The following SHISA9 variants were observed in gnomAD, a reference collection of about 807,000 sequenced individuals.
SHISA9 encodes the protein shisa family member 9.
A neutral mutation model predicts 38.0 loss-of-function variants in SHISA9; 13 were observed. That is an observed-to-expected ratio of 0.34 (90% CI 0.22 to 0.54). SHISA9 has a LOEUF of 0.54. SHISA9 is among the 20% of genes least tolerant of loss of function. SHISA9 has a pLI of 0.91. For missense variants in SHISA9, 538 were observed against 575.8 expected (o/e 0.93, Z 0.67); for synonymous variants, 275 against 242.0 (o/e 1.14, Z -1.27).
chr16:13,504,260 T>C, the SHISA9 span, among the ~76,000 whole-genome samples: 24 of 152,164 alleles, frequency 1.6e-4, no homozygotes, highest in East Asian at 4.6e-3. Flanking sequence ...ACACGTAAGG[T>C]TTCATTAGGA....
chr16:13,106,312 C>T (rs532618134), intron 2 of SHISA9, among the ~76,000 whole-genome samples: 1 of 152,230 alleles, frequency 6.6e-6, no homozygotes, highest in Non-Finnish European at 1.5e-5. Flanking sequence ...CAGCATGAAG[C>T]CTGATGTACA....
At chr16:13,245,378 C>G (rs2214255), downstream of SHISA9, among the ~76,000 whole-genome samples, 24,000 of 152,152 alleles carry the variant, frequency 0.16, 2,302 homozygotes, top group East Asian at 0.29. Context: ...GCACTGTGTA[C>G]TAGTGAGACT....
the SHISA9 span, among the ~76,000 whole-genome samples, chr16:13,391,772 A>G: frequency 6.6e-6 from 1 of 152,136 alleles, no homozygotes; most frequent in Admixed American, 6.5e-5. Context: ...CCAAGCAACA[A>G]AGTTTTTGAA....
chr16:13,171,348 C>T (rs540734110), intron 2 of SHISA9, among the ~76,000 whole-genome samples: 1 of 152,230 alleles, frequency 6.6e-6, no homozygotes, highest in South Asian at 2.1e-4. Context: ...CCATATCAGG[C>T]TTCTAGTTCA....
chr16:13,045,755 G>GCC (rs1208798479), intron 2 of SHISA9, among the ~76,000 whole-genome samples: 1 of 90,612 alleles, frequency 1.1e-5, no homozygotes, highest in Non-Finnish European at 2.8e-5. Flanking sequence ...GCTGTCCCCT[G>GCC]CCCCCACTGT....
At chr16:13,444,487 A>C in the SHISA9 span, among the ~76,000 whole-genome samples, 2 of 151,924 alleles carry the variant, frequency 1.3e-5, no homozygotes, top group Non-Finnish European at 2.9e-5. Context: ...GAGGAAGGGG[A>C]AAGTCTTGCA....
chr16:13,151,199 C>T (rs146557919), intron 2 of SHISA9, among the ~76,000 whole-genome samples: 1,901 of 152,208 alleles, frequency 0.012, 24 homozygotes, highest in South Asian at 0.024. Context: ...ATTTGCCTCC[C>T]GGGTTCAAGC....
chr16:13,508,378 A>C, the SHISA9 span, among the ~76,000 whole-genome samples: 1 of 152,116 alleles, frequency 6.6e-6, no homozygotes. Flanking sequence ...GTTTTCTAAT[A>C]TTTTGCTATT....
the SHISA9 span, among the ~76,000 whole-genome samples, chr16:13,377,592 C>T: frequency 6.6e-6 from 1 of 152,194 alleles, no homozygotes; most frequent in Non-Finnish European, 1.5e-5. Flanking sequence ...TGTACAAACA[C>T]ATACGTGGTT....
intron 2 of SHISA9, among the ~76,000 whole-genome samples, chr16:13,131,156 A>G (rs564363886): frequency 6.6e-6 from 1 of 152,306 alleles, no homozygotes; most frequent in East Asian, 1.9e-4. Flanking sequence ...ATAAAGATAC[A>G]TGCATGTGTA....
intron 2 of SHISA9, among the ~76,000 whole-genome samples, chr16:12,991,027 G>T (rs1278962588): frequency 1.3e-5 from 2 of 152,092 alleles, no homozygotes; most frequent in Non-Finnish European, 2.9e-5. Flanking sequence ...CCCCAGTCTT[G>T]CTAGCATGAA....
intron 2 of SHISA9, among the ~76,000 whole-genome samples, chr16:12,971,957 A>T (rs2072088845): frequency 6.6e-6 from 1 of 151,602 alleles, no homozygotes; most frequent in Non-Finnish European, 1.5e-5. Context: ...TTTCTCTTGC[A>T]TGCTTAATCT....
At chr16:13,552,299 C>T in the SHISA9 span, among the ~76,000 whole-genome samples, 1 of 151,956 alleles carries the variant, frequency 6.6e-6, no homozygotes, top group African/African-American at 2.4e-5. Context: ...CCCCATCATC[C>T]CACAAATTAA....
At chr16:13,101,792 A>G (rs905085941) in intron 2 of SHISA9, among the ~76,000 whole-genome samples, 1 of 152,190 alleles carries the variant, frequency 6.6e-6, no homozygotes, top group Admixed American at 6.5e-5. Flanking sequence ...AATACTTGCT[A>G]TCGTTTGTCT....
intron 2 of SHISA9, among the ~76,000 whole-genome samples, chr16:13,087,748 T>G (rs1310344082): frequency 6.6e-6 from 1 of 152,242 alleles, no homozygotes; most frequent in African/African-American, 2.4e-5. Context: ...ATGGGTAGAT[T>G]GCAAAAATTT....
chr16:13,057,222 G>A (rs1163111427), intron 2 of SHISA9, among the ~76,000 whole-genome samples: 2 of 152,112 alleles, frequency 1.3e-5, no homozygotes, highest in Non-Finnish European at 2.9e-5. Flanking sequence ...ACAATAGAAC[G>A]TTCATGGATT....
the SHISA9 span, among the ~76,000 whole-genome samples, chr16:13,484,421 G>A: frequency 6.6e-6 from 1 of 152,232 alleles, no homozygotes; most frequent in Non-Finnish European, 1.5e-5. Flanking sequence ...ACCAGTACAG[G>A]ACATGGACTT....
At chr16:13,077,797 C>A (rs2073600838) in intron 2 of SHISA9, among the ~76,000 whole-genome samples, 1 of 152,114 alleles carries the variant, frequency 6.6e-6, no homozygotes, top group South Asian at 2.1e-4. Context: ...GCAACAGCTG[C>A]CACTTCTAAT....
the SHISA9 span, among the ~76,000 whole-genome samples, chr16:13,549,991 C>G: frequency 6.7e-6 from 1 of 150,126 alleles, no homozygotes; most frequent in African/African-American, 2.5e-5. Context: ...CCACTGCACT[C>G]CAGCGTGGGC....
Sources: gnomAD v4.1 joint callset for allele counts (sites outside exome capture counted in the v4.1 genomes callset) on GRCh38, gnomAD v4.1.1 for gene constraint, MANE v1.5 for transcripts, NCBI Gene and HGNC (gene_info 2026-07-23, HGNC 2026-07-21) for gene names.